The following TMEM39B variants were observed in gnomAD, a reference collection of about 807,000 sequenced individuals.
TMEM39B encodes transmembrane protein 39B.
Under a neutral mutation model 52.2 loss-of-function variants are expected in TMEM39B, and 23 were observed. The observed-to-expected ratio is 0.44, with a 90% CI of 0.32 to 0.62. TMEM39B has a LOEUF of 0.62. Ranked by LOEUF, TMEM39B falls within the 20% of genes least tolerant of loss-of-function variation. TMEM39B has a pLI of 0.06. For synonymous variants in TMEM39B, 285 were observed against 264.0 expected (o/e 1.08, Z -0.77); for missense variants, 547 against 642.0 (o/e 0.85, Z 1.60).
intron 6 of TMEM39B, among the ~76,000 whole-genome samples, chr1:32,094,360 C>A (rs1224544777): frequency 7.1e-6 from 1 of 141,400 alleles, no homozygotes; most frequent in Non-Finnish European, 1.5e-5. Flanking sequence ...CTCCTGATCT[C>A]GTGATCTGCC....
In TMEM39B at chr1:32,072,989, C is replaced by T. The variant is rs955147570; in HGVS notation, c.-59C>T. Reference sequence around the variant, plus strand: ...TTAGTCCTCTCCCGGCCGCCGTCGCCTCCGACATATTGCCCGCAGGAGCTG... The same window carrying T: ...TTAGTCCTCTCCCGGCCGCCGTCGCTTCCGACATATTGCCCGCAGGAGCTG... On this transcript the variant is annotated 5_prime_UTR_variant, in exon 1 of 9. Coordinates refer to ENST00000336294, the MANE Select transcript of TMEM39B (RefSeq NM_018056.4). 7.8e-6 allele frequency: 12 copies of T among 1,532,390 alleles called. No homozygotes were observed. Among genetic ancestry groups the T allele is most frequent in the Admixed American group, 4.1e-5 (2 of 49,290 alleles). The allele number at this position is 1,532,390 out of a possible 1,614,324, so 94.9% of individuals were successfully genotyped here. A position where few individuals can be genotyped will look rare whatever the true frequency, so the allele number is the denominator to read the frequency against.
At chr1:32,083,029 C>G (rs1027098324) in intron 5 of TMEM39B, among the ~76,000 whole-genome samples, 28 of 150,984 alleles carry the variant, frequency 1.9e-4, no homozygotes, top group African/African-American at 6.1e-4. Context: ...CCGCCTCAGC[C>G]TCCCAAAGTG....
intron 7 of TMEM39B, chr1:32,095,596 G>A (rs549919144): frequency 6.5e-6 from 1 of 153,028 alleles, no homozygotes; most frequent in South Asian, 2.1e-4. Context: ...ACTGCTCAGG[G>A]GCCCTTTTCC....
At chr1:32,073,606 T>C (rs1436894245) in intron 1 of TMEM39B, 13 of 987,372 alleles carry the variant, frequency 1.3e-5, no homozygotes, top group African/African-American at 5.3e-5. Context: ...GGAGAGTGGG[T>C]GTGGGCAGAG....
intron 6 of TMEM39B, among the ~76,000 whole-genome samples, chr1:32,092,679 CG>C (rs1302941485): frequency 3.3e-5 from 5 of 151,784 alleles, no homozygotes; most frequent in Admixed American, 1.3e-4. Flanking sequence ...TTAGTAGAGA[CG>C]GGGTTTCATG....
chr1:32,092,500 T>C (rs1640648266), intron 6 of TMEM39B, among the ~76,000 whole-genome samples: 1 of 151,868 alleles, frequency 6.6e-6, no homozygotes, highest in Admixed American at 6.6e-5. Flanking sequence ...TATTTTACTT[T>C]ATTTTTTTGA....
intron 7 of TMEM39B, among the ~76,000 whole-genome samples, chr1:32,095,390 G>A (rs915566898): frequency 6.6e-6 from 1 of 152,172 alleles, no homozygotes; most frequent in Non-Finnish European, 1.5e-5. Flanking sequence ...CTTGGACTTT[G>A]ACTTAGGCCC....
chr1:32,074,422 G>T (rs747086866), intron 1 of TMEM39B, among the ~76,000 whole-genome samples: 3 of 152,158 alleles, frequency 2.0e-5, no homozygotes, highest in Non-Finnish European at 4.4e-5. Context: ...AACCTACCTT[G>T]CTGGGTTCAT....
chr1:32,075,005 C>G lies in TMEM39B; in HGVS notation c.59C>G (p.Pro20Arg). ...TACTGTCGAAATCCGCTCTGTGAGC[C>G]GGGATCCTCGGGGGGCTCTAGTGGA... The part of the protein sequence containing the change: ...TSYCRNPLCE[P>R]GSSGGSSGSH... The change falls in exon 2 of 9, where the codon CCG (proline) becomes CGG (arginine). Residue 20 changes from proline (P) to arginine (R), a missense_variant. Coordinates refer to ENST00000336294, the MANE Select transcript of TMEM39B (RefSeq NM_018056.4). 6.4e-7 allele frequency: 1 copy of G among 1,551,544 alleles called. No individual in the cohort carries two copies. The highest frequency in any genetic ancestry group is 2.4e-5 in the East Asian group (1 of 40,912).
intron 5 of TMEM39B, among the ~76,000 whole-genome samples, chr1:32,082,466 T>G (rs1640145061): frequency 6.6e-6 from 1 of 151,940 alleles, no homozygotes; most frequent in Admixed American, 6.6e-5. Flanking sequence ...TTATTTTTAT[T>G]TTTTTTGAGA....
In TMEM39B at chr1:32,094,892, C is replaced by G; in HGVS notation, c.1036C>G (p.Leu346Val). The change falls in exon 7 of 9, where the codon CTG (leucine) becomes GTG (valine). Residue 346 changes from leucine (L) to valine (V), a missense_variant. Coordinates refer to ENST00000336294, the MANE Select transcript of TMEM39B (RefSeq NM_018056.4). Reference protein sequence around the residue: ...QHLLPASYCDLLHKAAAHLGC... With the variant: ...QHLLPASYCDVLHKAAAHLGC... ...CCTGCTGCCTGCCAGCTACTGTGACCTGCTGCACAAGGCCGCCGCCCATCT... is the reference window on the plus strand; with the variant it reads ...CCTGCTGCCTGCCAGCTACTGTGACGTGCTGCACAAGGCCGCCGCCCATCT... 1 of 1,614,148 alleles carries G rather than the reference C, an allele frequency of 6.2e-7. No individual in the cohort carries two copies.
intron 5 of TMEM39B, among the ~76,000 whole-genome samples, chr1:32,083,150 TCTCTGCTCACTGCAGC>T (rs1640185971): frequency 7.3e-6 from 1 of 136,250 alleles, no homozygotes; most frequent in Non-Finnish European, 1.5e-5. Context: ...AATGGCGCCA[TCTCTGCTCACTGCAGC>T]CTCCGCCTCC....
intron 6 of TMEM39B, among the ~76,000 whole-genome samples, chr1:32,093,815 T>TGTTTG (rs1388147938): frequency 6.6e-6 from 1 of 151,282 alleles, no homozygotes; most frequent in Non-Finnish European, 1.5e-5. Context: ...TTTTTTGTTT[T>TGTTTG]GTTTTGTTTT....
intron 1 of TMEM39B, chr1:32,073,299 AC>A: frequency 2.1e-6 from 1 of 470,064 alleles, no homozygotes; most frequent in Non-Finnish European, 3.5e-6. Context: ...TTTCGTGAGG[AC>A]CAGCTCGTCG....
chr1:32,074,957 G>A lies in TMEM39B; in HGVS notation c.11G>A (p.Arg4Gln), dbSNP rs1557908819. 5.8e-6 allele frequency: 9 copies of A among 1,550,892 alleles called. No individual in the cohort carries two copies. Among genetic ancestry groups the A allele is most frequent in the African/African-American group, 1.4e-5 (1 of 73,018 alleles). The part of the protein sequence containing the change: MGG[R>Q]RGPNRTSYCR... The stretch of plus-strand genomic sequence containing the variant: ...TTTATGTTGAGCCCCACAGGAGGAC[G>A]AAGAGGTCCCAACAGGACATCTTAC... Residue 4 changes from arginine to glutamine, a missense_variant, in exon 2 of 9, where the codon CGA becomes CAA. By Grantham distance (43) the Arg-to-Gln change is conservative. Transcript: ENST00000336294.
chr1:32,075,579 A>G, intron 2 of TMEM39B, 24 bp from the exon 3 acceptor site: 2 of 1,539,182 alleles, frequency 1.3e-6, no homozygotes, highest in Non-Finnish European at 8.8e-7. Flanking sequence ...TCAGCTGCTG[A>G]TGTTGTTCCC....
At position 32,075,693 on chromosome 1, in the gene TMEM39B, C is replaced by G; in HGVS notation, c.222C>G (p.Val74=). Reference sequence around the variant, plus strand: ...ACTGCAAGATCCCCGAGCTGCCAGTCCAGGCCAGCATTCTGTTTGAGTTGC... The same window carrying G: ...ACTGCAAGATCCCCGAGCTGCCAGTGCAGGCCAGCATTCTGTTTGAGTTGC... ...LQHCKIPELP[V]QASILFELQL... is the part of the protein sequence containing the mutation. Residue 74 remains valine, a synonymous_variant, in exon 3 of 9, where the codon GTC becomes GTG. Coordinates refer to ENST00000336294, the MANE Select transcript of TMEM39B (RefSeq NM_018056.4). The G allele has an allele frequency of 1.3e-6, 2 of 1,551,834 alleles. No homozygotes were observed. The highest frequency in any genetic ancestry group is 1.7e-6 in the Non-Finnish European group (2 of 1,147,028).
chr1:32,095,475 G>C (rs1640777537), intron 7 of TMEM39B, among the ~76,000 whole-genome samples: 1 of 152,150 alleles, frequency 6.6e-6, no homozygotes, highest in African/African-American at 2.4e-5. Flanking sequence ...CCTGGTGCCA[G>C]GATGTGGTGC....
At chr1:32,092,207 A>C (rs1039603406) in intron 6 of TMEM39B, among the ~76,000 whole-genome samples, 196 bp downstream of exon 6, 1 of 152,080 alleles carries the variant, frequency 6.6e-6, no homozygotes, top group Non-Finnish European at 1.5e-5. Flanking sequence ...CCTACACTGG[A>C]GTGCAGTGGC....
Sources: gnomAD v4.1 joint callset for allele counts (sites outside exome capture counted in the v4.1 genomes callset) on GRCh38, gnomAD v4.1.1 for gene constraint, MANE v1.5 for transcripts, NCBI Gene and HGNC (gene_info 2026-07-23, HGNC 2026-07-21) for gene names.